Variants in DPYD observed in about 807,000 individuals in gnomAD.
The protein encoded by DPYD is dihydropyrimidine dehydrogenase, also known as dihydropyrimidine dehydrogenase [NADP(+)].
Under a neutral mutation model 116.2 loss-of-function variants are expected in DPYD, and 109 were observed. The observed-to-expected ratio is 0.94, with a 90% CI of 0.80 to 1.10. DPYD has a LOEUF of 1.10. DPYD is among the 50% of genes least tolerant of loss of function. The pLI is 0.00. For synonymous variants in DPYD, 440 were observed against 432.0 expected (o/e 1.02, Z -0.23); for missense variants, 1,302 against 1,254.5 (o/e 1.04, Z -0.57).
chr1:97,777,797 G>T (rs968239174), intron 3 of DPYD, among the ~76,000 whole-genome samples: 1 of 152,008 alleles, frequency 6.6e-6, no homozygotes, highest in African/African-American at 2.4e-5. Flanking sequence ...TAGCCATTAT[G>T]TACTAACCTG....
At chr1:97,246,733 G>A (rs570333598) in intron 18 of DPYD, among the ~76,000 whole-genome samples, 109 of 151,884 alleles carry the variant, frequency 7.2e-4, no homozygotes, top group Non-Finnish European at 1.4e-3. Context: ...ATTTCTATAT[G>A]GCATTTTACT....
chr1:97,871,865 T>C (rs1671676611), intron 2 of DPYD, among the ~76,000 whole-genome samples: 1 of 151,778 alleles, frequency 6.6e-6, no homozygotes, highest in African/African-American at 2.4e-5. Context: ...CCTCGGAGCA[T>C]CCCCCTTATA....
At chr1:97,148,497 G>T (rs1263923125) in intron 20 of DPYD, among the ~76,000 whole-genome samples, 1 of 152,076 alleles carries the variant, frequency 6.6e-6, no homozygotes, top group African/African-American at 2.4e-5. Flanking sequence ...TGAATACTAA[G>T]AATTATTTTA....
intron 3 of DPYD, among the ~76,000 whole-genome samples, chr1:97,777,743 A>G (rs1019212072): frequency 6.6e-6 from 1 of 152,154 alleles, no homozygotes; most frequent in African/African-American, 2.4e-5. Context: ...GATGAACAAG[A>G]CATGCTTTTT....
At chr1:97,335,131 G>C (rs1036585942) in intron 16 of DPYD, among the ~76,000 whole-genome samples, 1 of 152,052 alleles carries the variant, frequency 6.6e-6, no homozygotes, top group Non-Finnish European at 1.5e-5. Flanking sequence ...GTCAGCTTTT[G>C]TAGAGGCTGC....
chr1:97,085,382 A>C (rs1233649472), intron 21 of DPYD, among the ~76,000 whole-genome samples: 1 of 152,212 alleles, frequency 6.6e-6, no homozygotes, highest in Admixed American at 6.5e-5. Flanking sequence ...TTTTCCTCTA[A>C]ATTGGAGATT....
intron 4 of DPYD, 140 bp from the exon 5 acceptor site, chr1:97,721,811 C>T (rs1196944252): frequency 4.0e-6 from 3 of 755,358 alleles, no homozygotes; most frequent in African/African-American, 3.5e-5. Flanking sequence ...TTCAATACTA[C>T]TATCAGGAAC....
At chr1:97,209,766 T>G (rs1659913628) in intron 19 of DPYD, among the ~76,000 whole-genome samples, 1 of 152,150 alleles carries the variant, frequency 6.6e-6, no homozygotes, top group South Asian at 2.1e-4. Flanking sequence ...ATGCTAAATA[T>G]TATAATATCT....
chr1:97,716,278 A>C (rs2101014091), intron 5 of DPYD, among the ~76,000 whole-genome samples: 1 of 152,190 alleles, frequency 6.6e-6, no homozygotes, highest in East Asian at 1.9e-4. Context: ...AACCCTTAAG[A>C]AATATCCCAT....
At chr1:97,238,361 C>T (rs1662096339) in intron 18 of DPYD, among the ~76,000 whole-genome samples, 1 of 151,970 alleles carries the variant, frequency 6.6e-6, no homozygotes, top group Non-Finnish European at 1.5e-5. Flanking sequence ...TGATTTAATA[C>T]AAAATATAAT....
At chr1:97,912,887 C>T (rs564790875) in intron 1 of DPYD, among the ~76,000 whole-genome samples, 62 of 152,238 alleles carry the variant, frequency 4.1e-4, no homozygotes, top group Admixed American at 1.6e-3. Context: ...TCCCGCAAAG[C>T]TCTCAGGTCA....
At chr1:97,387,048 T>C (rs967804074) in intron 14 of DPYD, among the ~76,000 whole-genome samples, 8 of 152,100 alleles carry the variant, frequency 5.3e-5, no homozygotes, top group Non-Finnish European at 1.5e-5. Flanking sequence ...CCCAATGAAA[T>C]ATATTTTTAA....
intron 20 of DPYD, among the ~76,000 whole-genome samples, chr1:97,107,053 T>C (rs1339306114): frequency 6.6e-6 from 1 of 152,074 alleles, no homozygotes; most frequent in African/African-American, 2.4e-5. Flanking sequence ...TGACTACCTG[T>C]CCCCACACCA....
intron 13 of DPYD, among the ~76,000 whole-genome samples, chr1:97,459,928 GCAAGAAAATGATTATCATAAAA>G (rs957000674): frequency 1.3e-5 from 2 of 152,020 alleles, no homozygotes; most frequent in African/African-American, 4.8e-5. Context: ...ATACGCAAAA[GCAAGAAAATGATTATCATAAAA>G]TCTAAAATAG....
intron 3 of DPYD, among the ~76,000 whole-genome samples, chr1:97,807,301 G>C (rs1402936811): frequency 6.6e-6 from 1 of 152,022 alleles, no homozygotes; most frequent in African/African-American, 2.4e-5. Flanking sequence ...AGTCCCTTTT[G>C]CTCCACATTC....
At chr1:97,130,836 C>CTCCTTCCT (rs59350272) in intron 20 of DPYD, among the ~76,000 whole-genome samples, 5,498 of 64,206 alleles carry the variant, frequency 0.086, 205 homozygotes, top group African/African-American at 0.15. Context: ...TTTCTTCTTT[C>CTCCTTCCT]TCCTTCCTTC....
Position 97,740,394 on chromosome 1 carries a change from T to C in DPYD, c.319A>G (p.Lys107Glu). The stretch of plus-strand genomic sequence containing the variant: ...TGCAGAGTTAAATCTGAATTTACCT[T>C]GTTTGCAATACTTGTGATGAATGAT... The part of the protein sequence containing the change: ...IKSFITSIAN[K>E]NYYGAAKMIF... Residue 107 changes from lysine to glutamate, a missense_variant and splice_region_variant, in exon 4 of 23, where the codon AAG becomes GAG. By Grantham distance (56) the Lys-to-Glu change is moderately conservative. Coordinates refer to ENST00000370192, the MANE Select transcript of DPYD (RefSeq NM_000110.4). The C allele has an allele frequency of 1.2e-6, 2 of 1,610,596 alleles. No homozygotes were observed. The highest frequency in any genetic ancestry group is 1.7e-6 in the Non-Finnish European group (2 of 1,177,156).
Position 97,890,274 on chromosome 1 carries a change from A to G in DPYD, c.40-6900T>C, listed in dbSNP as rs540932459. On this transcript the variant is annotated intron_variant, in intron 1 of 22. Coordinates refer to ENST00000370192, the MANE Select transcript of DPYD (RefSeq NM_000110.4). ...TTGTTGATTTGTGAACTGTATATCA[A>G]TAAAGCTGTTACCAAAGTAAAACCC... is the stretch of plus-strand genomic sequence containing the variant. Among the ~76,000 whole-genome samples, 21 of 152,126 alleles carry G rather than the reference A, an allele frequency of 1.4e-4. No homozygotes were observed. The East Asian group carries it at 3.9e-3, about 28-fold the overall frequency.
At chr1:97,499,748 A>G (rs1679471989) in intron 13 of DPYD, among the ~76,000 whole-genome samples, 1 of 151,970 alleles carries the variant, frequency 6.6e-6, no homozygotes, top group Non-Finnish European at 1.5e-5. Context: ...TTATCTCATT[A>G]CAAATACAAT....
Sources: allele counts gnomAD v4.1 joint callset (sites outside exome capture counted in the v4.1 genomes callset), GRCh38; gene constraint gnomAD v4.1.1; transcripts MANE v1.5; gene names NCBI Gene and HGNC (gene_info 2026-07-23, HGNC 2026-07-21).